The following MACROD2 variants were observed in gnomAD, a reference collection of about 807,000 sequenced individuals.
The protein encoded by MACROD2 is ADP-ribose glycohydrolase MACROD2.
A neutral mutation model predicts 70.4 loss-of-function variants in MACROD2; 36 were observed. The ratio of observed to expected loss-of-function variants is 0.51; its 90% CI spans 0.39 to 0.68. The LOEUF is 0.68. Among genes scored for constraint, MACROD2 ranks in the 30% least tolerant of loss-of-function variants. MACROD2 has a pLI of 0.00. For missense variants in MACROD2, 496 were observed against 538.4 expected (o/e 0.92, Z 0.78); for synonymous variants, 172 against 178.8 (o/e 0.96, Z 0.30).
rs57584580 is a variant in MACROD2, at chr20:15,605,453, C to CGTGTGTGTGTGTGTGTGTGT, written c.645+105623_645+105642dup. Among the ~76,000 whole-genome samples, 21 of 141,782 alleles carry CGTGTGTGTGTGTGTGTGTGT rather than the reference C, an allele frequency of 1.5e-4. 1 individual carries two copies. Among genetic ancestry groups the CGTGTGTGTGTGTGTGTGTGT allele is most frequent in the African/African-American group, 4.7e-4 (18 of 37,952 alleles). The allele number at this position is 141,782 out of a possible 152,430, so 93.0% of individuals were successfully genotyped here. A position where few individuals can be genotyped will look rare whatever the true frequency, so the allele number is the denominator to read the frequency against. ...TCAGTTAGAAAAAACAGGATGTAAG[C>CGTGTGTGTGTGTGTGTGTGT]GTGTGTGTGTGTGTGTGTGTGTGTG... On this transcript the variant is annotated intron_variant, in intron 8 of 17. Coordinates refer to ENST00000684519, the MANE Select transcript of MACROD2 (RefSeq NM_001351661.2).
chr20:15,535,910 T>C (rs1198466441), intron 8 of MACROD2, among the ~76,000 whole-genome samples: 2 of 152,234 alleles, frequency 1.3e-5, no homozygotes, highest in African/African-American at 4.8e-5. Context: ...ATAGGTATGC[T>C]GTTTCACAAT....
intron 8 of MACROD2, among the ~76,000 whole-genome samples, chr20:15,773,307 T>G (rs535326349): frequency 6.6e-6 from 1 of 152,222 alleles, no homozygotes; most frequent in South Asian, 2.1e-4. Flanking sequence ...GCTATTTTTT[T>G]TAATCAGAGA....
intron 6 of MACROD2, among the ~76,000 whole-genome samples, chr20:15,321,346 C>T (rs1412511041): frequency 6.9e-6 from 1 of 144,236 alleles, no homozygotes; most frequent in African/African-American, 2.5e-5. Context: ...TTTCATTTTG[C>T]CCTCTCAACA....
intron 5 of MACROD2, among the ~76,000 whole-genome samples, chr20:15,018,226 C>G (rs538760448): frequency 6.6e-6 from 1 of 152,314 alleles, no homozygotes; most frequent in Non-Finnish European, 1.5e-5. Context: ...TAAATTATCT[C>G]TCAAGTTCAA....
rs758834900 is a variant in MACROD2, at chr20:14,594,271, T to C, written c.302-90572T>C. ...TCATCTGTGATCTTTTCCCTTATAT[T>C]TTCTCTCACTTAATTGGCATTGGTC... On this transcript the variant is annotated intron_variant, in intron 4 of 17. Transcript: ENST00000684519. Among the ~76,000 whole-genome samples the C allele has an allele frequency of 3.2e-4, 49 of 152,294 alleles. No homozygotes were observed. In the Middle Eastern group the frequency reaches 0.014, roughly 42 times the overall value.
intron 8 of MACROD2, among the ~76,000 whole-genome samples, chr20:15,729,846 TGGATGGA>T (rs2050920504): frequency 6.9e-6 from 1 of 145,570 alleles, no homozygotes. Context: ...TTTTTTTTTT[TGGATGGA>T]GTTTCACTCT....
At chr20:14,291,644 A>T (rs2082387429) in intron 3 of MACROD2, among the ~76,000 whole-genome samples, 1 of 151,934 alleles carries the variant, frequency 6.6e-6, no homozygotes, top group African/African-American at 2.4e-5. Context: ...GGCAGAAAGT[A>T]GTAGCAGTAG....
In MACROD2 at chr20:15,724,269, G is replaced by A. The variant is rs375285198; in HGVS notation, c.646-138476G>A. On this transcript the variant is annotated intron_variant, in intron 8 of 17. Coordinates refer to ENST00000684519, the MANE Select transcript of MACROD2 (RefSeq NM_001351661.2). ...TATCTTTTCAAAGCAGAAGTTTTGA[G>A]TTTTATGAAGTTTAGCTTATCAATT... 3.3e-5 allele frequency among the ~76,000 whole-genome samples: 5 copies of A among 152,218 alleles called. 1 individual carries two copies. The East Asian group carries it at 7.7e-4, about 23-fold the overall frequency.
At chr20:14,505,948 G>A (rs182146495) in intron 4 of MACROD2, among the ~76,000 whole-genome samples, 12 of 152,226 alleles carry the variant, frequency 7.9e-5, no homozygotes, top group Admixed American at 2.0e-4. Context: ...AAGGATTTAC[G>A]CTTCAAAAAC....
chr20:14,239,690 G>A (rs1230912613), intron 3 of MACROD2, among the ~76,000 whole-genome samples: 1 of 152,130 alleles, frequency 6.6e-6, no homozygotes, highest in Non-Finnish European at 1.5e-5. Context: ...AACTCAAGAT[G>A]GATTAAAGTC....
At chr20:15,191,203 T>A (rs1050598760) in intron 5 of MACROD2, among the ~76,000 whole-genome samples, 2 of 152,132 alleles carry the variant, frequency 1.3e-5, no homozygotes, top group Non-Finnish European at 2.9e-5. Context: ...ACCTCAGAAT[T>A]GTCCCTACAG....
chr20:15,338,816 C>A (rs997787390), intron 6 of MACROD2, among the ~76,000 whole-genome samples: 2 of 151,504 alleles, frequency 1.3e-5, no homozygotes, highest in Admixed American at 6.6e-5. Flanking sequence ...TAGGTACACA[C>A]CCCTATTTTC....
chr20:15,662,797 T>A (rs78216150), intron 8 of MACROD2, among the ~76,000 whole-genome samples: 1 of 151,800 alleles, frequency 6.6e-6, no homozygotes. Context: ...AATATTTTCA[T>A]ATAAAAATAT....
At chr20:15,820,975 A>T (rs2063932255) in intron 8 of MACROD2, among the ~76,000 whole-genome samples, 1 of 152,124 alleles carries the variant, frequency 6.6e-6, no homozygotes, top group Non-Finnish European at 1.5e-5. Context: ...ACAATGGAGC[A>T]CCTTTCTGAG....
chr20:15,662,213 T>C (rs1450723337), intron 8 of MACROD2, among the ~76,000 whole-genome samples: 1 of 152,248 alleles, frequency 6.6e-6, no homozygotes, highest in Non-Finnish European at 1.5e-5. Context: ...CCACACCTTG[T>C]GTTAAAATTA....
intron 5 of MACROD2, among the ~76,000 whole-genome samples, chr20:15,142,514 ATTTT>A (rs760273634): frequency 2.6e-5 from 4 of 151,750 alleles, no homozygotes; most frequent in Non-Finnish European, 5.9e-5. Context: ...TACTACTTTT[ATTTT>A]TTTATTATTA....
intron 15 of MACROD2, among the ~76,000 whole-genome samples, chr20:16,002,305 C>T (rs962052765): frequency 7.9e-5 from 12 of 151,988 alleles, no homozygotes; most frequent in African/African-American, 2.2e-4. Context: ...AACAATGGTC[C>T]CCCAAAGGTG....
At chr20:14,169,461 C>A (rs983539231) in intron 3 of MACROD2, among the ~76,000 whole-genome samples, 2 of 148,292 alleles carry the variant, frequency 1.3e-5, no homozygotes, top group Non-Finnish European at 1.5e-5. Flanking sequence ...TGTGCCACCA[C>A]GCCAAGCTAA....
chr20:15,056,138 C>G (rs2123066172), intron 5 of MACROD2, among the ~76,000 whole-genome samples: 1 of 152,212 alleles, frequency 6.6e-6, no homozygotes, highest in South Asian at 2.1e-4. Flanking sequence ...GCACCCGACC[C>G]CCTCCTCTGT....
Sources: gnomAD v4.1 joint callset for allele counts (sites outside exome capture counted in the v4.1 genomes callset) on GRCh38, gnomAD v4.1.1 for gene constraint, MANE v1.5 for transcripts, NCBI Gene and HGNC (gene_info 2026-07-23, HGNC 2026-07-21) for gene names.